Variants in TTLL13 observed in about 807,000 individuals in gnomAD.
TTLL13 encodes tubulin polyglutamylase TTLL13.
the TTLL13 span, chr15:90,263,659 T>G: frequency 1.7e-6 from 1 of 605,048 alleles, no homozygotes; most frequent in Admixed American, 2.9e-5. Context: ...CTAGAAGAGA[T>G]TTTTTTCAGT....
the TTLL13 span, chr15:90,255,944 G>A: frequency 6.2e-7 from 1 of 1,611,864 alleles, no homozygotes; most frequent in Non-Finnish European, 8.5e-7. Context: ...GTCGCTCTCA[G>A]AGCTCTGGTC....
At chr15:90,257,447 G>A in the TTLL13 span, among the ~76,000 whole-genome samples, 7 of 152,094 alleles carry the variant, frequency 4.6e-5, no homozygotes, top group African/African-American at 1.4e-4. Flanking sequence ...TGGTGAAGGA[G>A]AAAAGGTCAG....
the TTLL13 span, among the ~76,000 whole-genome samples, chr15:90,252,041 T>A: frequency 6.4e-5 from 9 of 140,472 alleles, no homozygotes; most frequent in African/African-American, 2.4e-4. Context: ...GCTCACCTAA[T>A]TCTTTTTTTT....
chr15:90,257,741 T>TCTCCTGCTTCCTCTGCCCC, the TTLL13 span: 1 of 1,610,830 alleles, frequency 6.2e-7, no homozygotes, highest in Non-Finnish European at 8.5e-7. Context: ...TACTCTGTTT[T>TCTCCTGCTTCCTCTGCCCC]CTCCTGCTTC....
At chr15:90,258,779 C>T in the TTLL13 span, 2 of 1,614,196 alleles carry the variant, frequency 1.2e-6, no homozygotes, top group East Asian at 2.2e-5. Context: ...GGACTCATGC[C>T]TTGATCAAGA....
the TTLL13 span, chr15:90,265,160 A>G: frequency 8.0e-7 from 1 of 1,255,886 alleles, no homozygotes; most frequent in South Asian, 1.6e-5. Context: ...GGGGATCGGT[A>G]AAGACTAGAA....
the TTLL13 span, among the ~76,000 whole-genome samples, chr15:90,251,802 A>G: frequency 7.2e-6 from 1 of 139,226 alleles, no homozygotes; most frequent in African/African-American, 2.7e-5. Context: ...AGTGTTAGGG[A>G]GGGTATCCTC....
At chr15:90,255,822 G>GC in the TTLL13 span, 9 of 1,614,088 alleles carry the variant, frequency 5.6e-6, no homozygotes, top group Non-Finnish European at 7.6e-6. Context: ...AACCTCAACC[G>GC]CATGTACAAA....
chr15:90,251,893 G>A, the TTLL13 span, among the ~76,000 whole-genome samples: 1 of 149,132 alleles, frequency 6.7e-6, no homozygotes, highest in South Asian at 2.1e-4. Flanking sequence ...ATTTATTTTT[G>A]AGACAGAGTC....
chr15:90,255,855 T>C, the TTLL13 span: 5 of 1,614,156 alleles, frequency 3.1e-6, no homozygotes, highest in African/African-American at 5.3e-5. Context: ...GAGTACAACA[T>C]CTTCCCCCGC....
chr15:90,263,160 G>T, the TTLL13 span: 6 of 1,514,820 alleles, frequency 4.0e-6, no homozygotes, highest in Non-Finnish European at 5.3e-6. Flanking sequence ...GGGTCCCTGT[G>T]AAGTCTCCCA....
the TTLL13 span, among the ~76,000 whole-genome samples, chr15:90,256,545 T>TTTTCTTTCTTTC: frequency 5.9e-3 from 622 of 105,410 alleles, 6 homozygotes; most frequent in East Asian, 0.013. Flanking sequence ...TCTCCTTCCT[T>TTTTCTTTCTTTC]TTTCTTTCTT....
At chr15:90,259,101 A>G in the TTLL13 span, 1 of 1,405,156 alleles carries the variant, frequency 7.1e-7, no homozygotes, top group South Asian at 1.4e-5. Flanking sequence ...GGTGGCTCAT[A>G]TCTGTAATCC....
chr15:90,252,473 G>A, the TTLL13 span, among the ~76,000 whole-genome samples: 1 of 152,216 alleles, frequency 6.6e-6, no homozygotes, highest in African/African-American at 2.4e-5. Context: ...GAGCCACCAT[G>A]CCAGACCCTT....
chr15:90,252,043 C>CTTTTTTTTTTTTT, the TTLL13 span, among the ~76,000 whole-genome samples: 183 of 133,370 alleles, frequency 1.4e-3, no homozygotes, highest in East Asian at 3.2e-3. Flanking sequence ...TCACCTAATT[C>CTTTTTTTTTTTTT]TTTTTTTTTT....
chr15:90,256,300 G>A, the TTLL13 span: 2 of 1,614,020 alleles, frequency 1.2e-6, no homozygotes, highest in South Asian at 2.2e-5. Flanking sequence ...TCTCCAAGGT[G>A]AAGGATGCCT....
chr15:90,258,911 CA>C, the TTLL13 span: 2 of 1,614,168 alleles, frequency 1.2e-6, no homozygotes, highest in Non-Finnish European at 1.7e-6. Flanking sequence ...GTGCTACCGA[CA>C]GCCACGAGAA....
chr15:90,256,303 G>C, the TTLL13 span: 9 of 1,614,106 alleles, frequency 5.6e-6, no homozygotes, highest in Non-Finnish European at 7.6e-6. Context: ...CCAAGGTGAA[G>C]GATGCCTCAG....
At chr15:90,250,598 T>C in the TTLL13 span, 2 of 1,601,436 alleles carry the variant, frequency 1.2e-6, no homozygotes, top group Admixed American at 1.7e-5. Flanking sequence ...ATACACTTCA[T>C]TCCCACCCCG....
Sources: gnomAD v4.1 joint callset for allele counts (sites outside exome capture counted in the v4.1 genomes callset) on GRCh38, gnomAD v4.1.1 for gene constraint, MANE v1.5 for transcripts, NCBI Gene and HGNC (gene_info 2026-07-23, HGNC 2026-07-21) for gene names.